The following SRC variants were observed in gnomAD, a reference collection of about 807,000 sequenced individuals.
SRC encodes SRC proto-oncogene, non-receptor tyrosine kinase.
Under a neutral mutation model 62.9 loss-of-function variants are expected in SRC, and 13 were observed. The ratio of observed to expected loss-of-function variants is 0.21; its 90% confidence interval spans 0.13 to 0.33. SRC has a LOEUF of 0.33. Ranked by LOEUF, SRC falls within the 10% of genes least tolerant of loss-of-function variation. SRC has a pLI of 1.00. For synonymous variants in SRC, 302 were observed against 317.5 expected (o/e 0.95, Z 0.52); for missense variants, 457 against 737.3 (o/e 0.62, Z 4.40).
intron 2 of SRC, among the ~76,000 whole-genome samples, chr20:37,365,494 T>A (rs1036613483): frequency 6.6e-6 from 1 of 152,068 alleles, no homozygotes; most frequent in African/African-American, 2.4e-5. Context: ...ATTAACAATT[T>A]TTTTAGCATA....
rs182523589 is a variant in SRC at position 37,397,521 on chromosome 20, T to C, written c.704-178T>C. ...CTGACTCAGCAGATGCATAAAGCAC[T>C]GTGGGCCTGTGTGGGGGTGGGGCTG... On this transcript the variant is annotated intron_variant, in intron 8 of 13. Coordinates refer to ENST00000373578, the MANE Select transcript of SRC (RefSeq NM_198291.3). This position sits in a 1 kb window ranked among gnomAD's most constrained non-coding sequence, Gnocchi z 4.1. Among the ~76,000 whole-genome samples, 5 of 152,302 alleles carry C rather than the reference T, an allele frequency of 3.3e-5. No homozygotes were observed. Among genetic ancestry groups the C allele is most frequent in the Admixed American group, 3.3e-4 (5 of 15,306 alleles).
chr20:37,397,021 C>CCCTTT lies in SRC; in HGVS notation c.704-675_704-671dup, dbSNP rs1309589068. On this transcript the variant is annotated intron_variant, in intron 8 of 13. Transcript: ENST00000373578. This position sits in a 1 kb window ranked among gnomAD's most constrained non-coding sequence, Gnocchi z 4.1. The stretch of plus-strand genomic sequence containing the variant: ...CACCGCTGTGTAGCTCATTCTGAAC[C>CCCTTT]CCTTTCCCTCAGATCAGAACTCTCC... 1.3e-5 allele frequency among the ~76,000 whole-genome samples: 2 copies of CCCTTT among 152,148 alleles called. No individual in the cohort carries two copies. Among genetic ancestry groups the CCCTTT allele is most frequent in the Non-Finnish European group, 2.9e-5 (2 of 68,026 alleles).
chr20:37,388,473 C>T (rs183093217), intron 5 of SRC, among the ~76,000 whole-genome samples: 35 of 152,310 alleles, frequency 2.3e-4, no homozygotes, highest in Non-Finnish European at 3.7e-4. Flanking sequence ...TGGCTGAGCG[C>T]GGTGGCTCAC....
At chr20:37,358,294 CT>C (rs2069913114) in intron 1 of SRC, among the ~76,000 whole-genome samples, 1 of 152,200 alleles carries the variant, frequency 6.6e-6, no homozygotes, top group African/African-American at 2.4e-5. Flanking sequence ...TGGGCCCGGG[CT>C]CTGGCCGTGG....
chr20:37,378,866 C>T (rs533278554), intron 2 of SRC, among the ~76,000 whole-genome samples: 14 of 152,158 alleles, frequency 9.2e-5, no homozygotes, highest in African/African-American at 2.2e-4. Context: ...GGGAGGAATG[C>T]GCTTGAGGAA....
chr20:37,372,505 T>A (rs1320156045), intron 2 of SRC, among the ~76,000 whole-genome samples: 1 of 152,220 alleles, frequency 6.6e-6, no homozygotes, highest in African/African-American at 2.4e-5. Context: ...CTTTCTGTTA[T>A]TGATTTCTTA....
chr20:37,347,001 C>T (rs746015876), intron 1 of SRC, among the ~76,000 whole-genome samples: 2 of 152,246 alleles, frequency 1.3e-5, no homozygotes, highest in Non-Finnish European at 2.9e-5. Context: ...CCTCAGACAA[C>T]TGCCTGCCTC....
chr20:37,354,604 G>A (rs1019847564), intron 1 of SRC, among the ~76,000 whole-genome samples: 4 of 152,194 alleles, frequency 2.6e-5, no homozygotes, highest in African/African-American at 9.7e-5. Context: ...GCAGGGGCCG[G>A]GGAGGTGAGG....
chr20:37,403,842 T>G lies in SRC; in HGVS notation c.*463T>G, dbSNP rs1012056186. 4 of 258,406 alleles carry G rather than the reference T, an allele frequency of 1.5e-5. No homozygotes were observed. Among genetic ancestry groups the G allele is most frequent in the Non-Finnish European group, 3.0e-5 (4 of 131,810 alleles). The allele number at this position is 258,406 out of a possible 1,614,324, so 16.0% of individuals were successfully genotyped here. ...CCCTGGCCCCGCCTGCCTGCCACCC[T>G]GCCCCTTGCCATCCATTCTGGAAAC... is the stretch of plus-strand genomic sequence containing the variant. On this transcript the variant is annotated 3_prime_UTR_variant, in exon 14 of 14. Transcript: ENST00000373578. This position sits in a 1 kb window ranked among gnomAD's most constrained non-coding sequence, Gnocchi z 7.1.
intron 1 of SRC, among the ~76,000 whole-genome samples, chr20:37,364,303 T>C (rs965212635): frequency 1.3e-5 from 2 of 152,140 alleles, no homozygotes; most frequent in East Asian, 3.9e-4. Context: ...TCTCTGTGCT[T>C]CAGTTTCCTC....
chr20:37,379,732 A>T (rs143090315), intron 2 of SRC, among the ~76,000 whole-genome samples: 2,587 of 149,956 alleles, frequency 0.017, 25 homozygotes, highest in Middle Eastern at 0.031. Flanking sequence ...CAAAAAAAAA[A>T]AATAATAATA....
chr20:37,356,621 C>T (rs913933022), intron 1 of SRC, among the ~76,000 whole-genome samples: 4 of 152,136 alleles, frequency 2.6e-5, no homozygotes, highest in Admixed American at 1.3e-4. Context: ...CGTGTTGCAG[C>T]CCAACTGGCA....
chr20:37,370,091 C>T (rs1190323298), intron 2 of SRC, among the ~76,000 whole-genome samples: 1 of 152,228 alleles, frequency 6.6e-6, no homozygotes, highest in Non-Finnish European at 1.5e-5. Context: ...TGAGCCACCA[C>T]ACCCGGCCTA....
Position 37,405,197 on chromosome 20 carries a change from A to C in SRC, c.*1818A>C, listed in dbSNP as rs149994576. On this transcript the variant is annotated 3_prime_UTR_variant, in exon 14 of 14. Transcript: ENST00000373578. ...CTCTCAAATCCCTCTCCAACTGCCT[A>C]AGGCCCTTTGTGTAAGGTGTCTTAA... 4 of 230,288 alleles carry C rather than the reference A, an allele frequency of 1.7e-5. No individual in the cohort carries two copies. The highest frequency in any genetic ancestry group is 1.3e-3 in the Middle Eastern group (1 of 772). 14.3% of individuals were successfully genotyped at this position (230,288 alleles called of 1,614,324 possible).
rs762615603 is a variant in SRC, at chr20:37,403,346, C to T, written c.1578C>T (p.Thr526=). 14 of 1,606,480 alleles carry T rather than the reference C, an allele frequency of 8.7e-6. No individual in the cohort carries two copies. Among genetic ancestry groups the T allele is most frequent in the African/African-American group, 8.0e-5 (6 of 74,876 alleles). The change falls in exon 14 of 14, where the codon ACC becomes ACT. Residue 526 remains threonine, a synonymous_variant. Coordinates refer to ENST00000373578, the MANE Select transcript of SRC (RefSeq NM_198291.3). The surrounding 1 kb of genome is among the most constrained non-coding windows in gnomAD (Gnocchi z 7.1). ...TCCTGGAGGACTACTTCACGTCCACCGAGCCCCAGTACCAGCCCGGGGAGA... is the reference window on the plus strand; with the variant it reads ...TCCTGGAGGACTACTTCACGTCCACTGAGCCCCAGTACCAGCCCGGGGAGA... The part of the protein sequence containing the change: ...QAFLEDYFTS[T]EPQYQPGENL
At position 37,351,398 on chromosome 20, in the gene SRC, T is replaced by A. The variant is rs1017877542; in HGVS notation, c.-247+5143T>A. 2.6e-5 allele frequency among the ~76,000 whole-genome samples: 4 copies of A among 152,110 alleles called. No individual in the cohort carries two copies. Among genetic ancestry groups the A allele is most frequent in the African/African-American group, 7.2e-5 (3 of 41,426 alleles). On this transcript the variant is annotated intron_variant, in intron 1 of 13. Transcript: ENST00000373578. The surrounding 1 kb of genome is among the most constrained non-coding windows in gnomAD (Gnocchi z 4.4). ...CTCCAGGGGCAGGCCCAGCGGAGTCTTTTTTGGTGCTCATGTAGGGGTGGG... is the reference window on the plus strand; with the variant it reads ...CTCCAGGGGCAGGCCCAGCGGAGTCATTTTTGGTGCTCATGTAGGGGTGGG...
At chr20:37,372,304 A>G (rs1009144559) in intron 2 of SRC, among the ~76,000 whole-genome samples, 5 of 152,116 alleles carry the variant, frequency 3.3e-5, no homozygotes, top group African/African-American at 1.2e-4. Flanking sequence ...CTTTTTTTAA[A>G]ATATAGGATT....
Position 37,384,141 on chromosome 20 carries a change from T to G in SRC, c.-4-9T>G. ...TGCCTGTTCCAGTGTCTTCTCTCTC[T>G]CCTGCCAGGACCATGGGTAGCAACA... On this transcript the variant is annotated splice_polypyrimidine_tract_variant and intron_variant, in intron 3 of 13. Transcript: ENST00000373578. This position sits in a 1 kb window ranked among gnomAD's most constrained non-coding sequence, Gnocchi z 6.7. 6.3e-7 allele frequency: 1 copy of G among 1,599,394 alleles called. No homozygotes were observed. Among genetic ancestry groups the G allele is most frequent in the Non-Finnish European group, 8.5e-7 (1 of 1,176,428 alleles).
intron 7 of SRC, among the ~76,000 whole-genome samples, chr20:37,395,669 G>A (rs913144549): frequency 1.6e-4 from 24 of 152,188 alleles, no homozygotes; most frequent in Admixed American, 2.0e-4. Context: ...AGGTTGGGGG[G>A]ACATGGACAG....
Sources: allele counts gnomAD v4.1 joint callset (sites outside exome capture counted in the v4.1 genomes callset), GRCh38; gene constraint gnomAD v4.1.1; non-coding constraint Gnocchi (gnomAD v3.1); transcripts MANE v1.5; gene names NCBI Gene and HGNC (gene_info 2026-07-23, HGNC 2026-07-21).